INTU: variants seen among roughly 807,000 people sequenced by gnomAD.
The protein encoded by INTU is protein inturned.
INTU carries 68 observed loss-of-function variants against 100.5 expected under a neutral mutation model. The observed-to-expected ratio is 0.68, with a 90% CI of 0.56 to 0.83. The LOEUF (loss-of-function observed/expected upper bound fraction) is 0.83, where lower values mean the gene tolerates loss of function less well. INTU is among the 40% of genes least tolerant of loss of function. The pLI, the probability that INTU is intolerant of heterozygous loss-of-function variation, is 0.00. For synonymous variants in INTU, 357 were observed against 395.7 expected (o/e 0.90, Z 1.16); for missense variants, 1,071 against 1,114.7 (o/e 0.96, Z 0.56).
chr4:127,691,367 G>A (rs1730114645), intron 8 of INTU, among the ~76,000 whole-genome samples: 1 of 152,242 alleles, frequency 6.6e-6, no homozygotes, highest in Admixed American at 6.5e-5. Context: ...GCTGTATTTT[G>A]TATTCCTACC....
intron 15 of INTU, 82 bp from the exon 16 acceptor site, chr4:127,716,243 A>G: frequency 1.6e-6 from 1 of 642,400 alleles, no homozygotes; most frequent in South Asian, 2.6e-5. Context: ...TTCAGAAACA[A>G]AAATTAAATT....
chr4:127,709,867 T>C (rs1731030670), intron 13 of INTU, among the ~76,000 whole-genome samples: 1 of 152,220 alleles, frequency 6.6e-6, no homozygotes, highest in African/African-American at 2.4e-5. Context: ...GTAACTTGTC[T>C]GCATAAAATA....
Position 127,663,512 on chromosome 4 carries a change from G to T in INTU, c.900G>T (p.Gln300His). 6.2e-7 allele frequency: 1 copy of T among 1,613,570 alleles called. No individual in the cohort carries two copies. Among genetic ancestry groups the T allele is most frequent in the South Asian group, 1.1e-5 (1 of 91,054 alleles). ...LWGEEVEGIQQSGLNTPHIIM... is the reference protein window; with the variant it reads ...LWGEEVEGIQHSGLNTPHIIM... ...GAGAAGAGGTTGAAGGTATCCAGCA[G>T]AGTGGCCTAAACACTCCTCATATCA... is the stretch of plus-strand genomic sequence containing the variant. Residue 300 changes from glutamine (Q) to histidine (H), a missense_variant, in exon 4 of 16, where the codon CAG becomes CAT. Coordinates refer to ENST00000335251, the MANE Select transcript of INTU (RefSeq NM_015693.4).
At chr4:127,675,839 T>C in intron 6 of INTU, 1 of 217,748 alleles carries the variant, frequency 4.6e-6, no homozygotes, top group Non-Finnish European at 1.0e-5. Flanking sequence ...CTTTTATGGC[T>C]TAGTCTTAAA....
At chr4:127,638,672 A>G (rs1727178265) in intron 1 of INTU, among the ~76,000 whole-genome samples, 1 of 152,280 alleles carries the variant, frequency 6.6e-6, no homozygotes, top group East Asian at 1.9e-4. Flanking sequence ...TTGCAAATTA[A>G]CAAGTCTTTC....
intron 6 of INTU, among the ~76,000 whole-genome samples, chr4:127,678,625 T>C (rs969591962): frequency 6.6e-5 from 10 of 152,092 alleles, no homozygotes; most frequent in African/African-American, 1.4e-4. Flanking sequence ...AAGGAACAAC[T>C]GGTACCGGCC....
At chr4:127,661,916 G>A (rs927833450) in intron 3 of INTU, among the ~76,000 whole-genome samples, 15 of 152,114 alleles carry the variant, frequency 9.9e-5, no homozygotes, top group African/African-American at 3.4e-4. Flanking sequence ...CAGGGCATAA[G>A]CGTTCCCTTT....
chr4:127,675,726 C>T (rs2126214700), intron 6 of INTU, among the ~76,000 whole-genome samples: 1 of 152,196 alleles, frequency 6.6e-6, no homozygotes, highest in South Asian at 2.1e-4. Context: ...TTTCTTGCCA[C>T]ATGGACCTCT....
chr4:127,637,885 T>G (rs1727143278), intron 1 of INTU, among the ~76,000 whole-genome samples: 1 of 152,208 alleles, frequency 6.6e-6, no homozygotes. Context: ...TAGAAATGTA[T>G]TACCTGCAGT....
At chr4:127,654,257 C>G (rs1294570631) in intron 2 of INTU, among the ~76,000 whole-genome samples, 1 of 151,968 alleles carries the variant, frequency 6.6e-6, no homozygotes, top group African/African-American at 2.4e-5. Context: ...GAATTTGATC[C>G]TGTCATTATG....
chr4:127,684,155 C>T (rs1729708237), intron 6 of INTU, among the ~76,000 whole-genome samples: 1 of 152,116 alleles, frequency 6.6e-6, no homozygotes, highest in Non-Finnish European at 1.5e-5. Flanking sequence ...GATGAAGAAA[C>T]TGAACTTTAG....
At chr4:127,680,613 G>A (rs1321125605) in intron 6 of INTU, among the ~76,000 whole-genome samples, 1 of 89,428 alleles carries the variant, frequency 1.1e-5, no homozygotes, top group African/African-American at 4.4e-5. Flanking sequence ...CTCAAAATAA[G>A]AGCTATCTAT....
At chr4:127,637,065 C>G (rs1382926938) in intron 1 of INTU, among the ~76,000 whole-genome samples, 2 of 152,196 alleles carry the variant, frequency 1.3e-5, no homozygotes, top group South Asian at 2.1e-4. Flanking sequence ...TCTCCTTACT[C>G]TTGTCTTCAG....
chr4:127,633,338 G>C (rs1459241839), intron 1 of INTU, among the ~76,000 whole-genome samples, 158 bp downstream of exon 1: 1 of 152,140 alleles, frequency 6.6e-6, no homozygotes, highest in African/African-American at 2.4e-5. Flanking sequence ...ATTGTATGGT[G>C]GTGTGAGCAG....
intron 6 of INTU, among the ~76,000 whole-genome samples, chr4:127,682,809 T>C (rs890367769): frequency 6.6e-6 from 1 of 151,576 alleles, no homozygotes. Flanking sequence ...TTTACAAGGA[T>C]TGGAGAACAT....
In INTU at chr4:127,724,016, A is replaced by G. The variant is rs1731384121; in HGVS notation, c.*7580A>G. 1 of 152,224 alleles carries G rather than the reference A, an allele frequency of 6.6e-6. No individual in the cohort carries two copies. The highest frequency in any genetic ancestry group is 6.5e-5 in the Admixed American group (1 of 15,280). 9.4% of individuals were successfully genotyped at this position (152,224 alleles called of 1,614,324 possible). ...CAAGTATATTTCACATGCATTTTAT[A>G]TAATTCATGAATTTCAGGAAAGCTG... is the stretch of plus-strand genomic sequence containing the variant. On this transcript the variant is annotated 3_prime_UTR_variant, in exon 16 of 16. Coordinates refer to ENST00000335251, the MANE Select transcript of INTU (RefSeq NM_015693.4).
chr4:127,691,590 G>T (rs2148716424), intron 8 of INTU, among the ~76,000 whole-genome samples: 1 of 151,972 alleles, frequency 6.6e-6, no homozygotes, highest in South Asian at 2.1e-4. Context: ...TAAGGCCTTT[G>T]GCCCATTTTT....
chr4:127,683,467 G>A lies in INTU; in HGVS notation c.1182-942G>A, dbSNP rs143390094. Among the ~76,000 whole-genome samples the A allele has an allele frequency of 2.5e-3, 379 of 152,268 alleles. 3 individuals carry two copies. The highest frequency in any genetic ancestry group is 8.8e-3 in the African/African-American group (365 of 41,542). The stretch of plus-strand genomic sequence containing the variant: ...GCACCTCTTCAGTGTCAACTTACAC[G>A]TCTTCGTATCACCAACATTTTGCAT... On this transcript the variant is annotated intron_variant, in intron 6 of 15. Transcript: ENST00000335251.
rs557081770 is a variant in INTU at position 127,716,544 on chromosome 4, A to G, written c.*108A>G. The G allele has an allele frequency of 1.9e-4, 83 of 443,148 alleles. No individual in the cohort carries two copies. The highest frequency in any genetic ancestry group is 2.3e-4 in the Non-Finnish European group (58 of 249,590). The allele number at this position is 443,148 out of a possible 1,614,324, so 27.5% of individuals were successfully genotyped here. A position where few individuals can be genotyped will look rare whatever the true frequency, so the allele number is the denominator to read the frequency against. On this transcript the variant is annotated 3_prime_UTR_variant, in exon 16 of 16. Transcript: ENST00000335251. The stretch of plus-strand genomic sequence containing the variant: ...AAGTTTAGCTTCTTTTTACTATTCA[A>G]TATTGAACATAATATTGTTAAATAT...
Sources: gnomAD v4.1 joint callset for allele counts (sites outside exome capture counted in the v4.1 genomes callset) on GRCh38, gnomAD v4.1.1 for gene constraint, MANE v1.5 for transcripts, NCBI Gene and HGNC (gene_info 2026-07-23, HGNC 2026-07-21) for gene names.